The following UNC5C variants were observed in gnomAD, a reference collection of about 807,000 sequenced individuals.
UNC5C encodes the protein netrin receptor UNC5C.
UNC5C carries 47 observed loss-of-function variants against 99.8 expected under a neutral mutation model. The observed-to-expected ratio is 0.47, with a 90% confidence interval of 0.37 to 0.60. The LOEUF is 0.60. Ranked by LOEUF, UNC5C falls within the 20% of genes least tolerant of loss-of-function variation. UNC5C has a pLI of 0.00. For missense variants in UNC5C, 1,062 were observed against 1,165.9 expected, an observed-to-expected ratio of 0.91 and a Z score of 1.30; for synonymous variants, 487 against 452.2, an observed-to-expected ratio of 1.08 and a Z score of -0.98.
At chr4:95,548,295 T>C (rs1182970505) in intron 1 of UNC5C, among the ~76,000 whole-genome samples, 1 of 152,012 alleles carries the variant, frequency 6.6e-6, no homozygotes, top group African/African-American at 2.4e-5. Flanking sequence ...GCTACCCCAG[T>C]CTTGGCACAG....
intron 4 of UNC5C, among the ~76,000 whole-genome samples, chr4:95,270,600 A>G (rs1252388351): frequency 6.6e-6 from 1 of 152,232 alleles, no homozygotes; most frequent in Non-Finnish European, 1.5e-5. Context: ...TTGAACATAC[A>G]TAGGCCATAT....
chr4:95,492,357 G>A (rs905647485), intron 1 of UNC5C, among the ~76,000 whole-genome samples: 1 of 150,940 alleles, frequency 6.6e-6, no homozygotes, highest in African/African-American at 2.4e-5. Context: ...GCGTTTTGTC[G>A]TATCAATTTT....
intron 1 of UNC5C, among the ~76,000 whole-genome samples, chr4:95,494,071 A>C (rs1287045775): frequency 2.0e-5 from 3 of 151,478 alleles, no homozygotes; most frequent in Non-Finnish European, 4.4e-5. Context: ...GGCTCACTCC[A>C]GGGTTCTTAA....
chr4:95,493,289 A>T (rs1373557165), intron 1 of UNC5C, among the ~76,000 whole-genome samples: 1 of 151,406 alleles, frequency 6.6e-6, no homozygotes, highest in Non-Finnish European at 1.5e-5. Flanking sequence ...AGAAATAAGG[A>T]TATAGCTTTG....
chr4:95,382,244 G>A (rs1745093373), intron 1 of UNC5C, among the ~76,000 whole-genome samples: 1 of 152,054 alleles, frequency 6.6e-6, no homozygotes, highest in South Asian at 2.1e-4. Flanking sequence ...AGGCCAAGGA[G>A]GGAGGATTGC....
At chr4:95,170,046 T>C in intron 15 of UNC5C, 108 bp downstream of exon 15, 1 of 1,409,844 alleles carries the variant, frequency 7.1e-7, no homozygotes, top group Admixed American at 2.2e-5. Flanking sequence ...AAAAATTAAA[T>C]AGATGTGTGG....
chr4:95,369,376 C>A (rs1744677510), intron 1 of UNC5C, among the ~76,000 whole-genome samples: 1 of 151,654 alleles, frequency 6.6e-6, no homozygotes, highest in Non-Finnish European at 1.5e-5. Flanking sequence ...CATAATGAAA[C>A]CCCAACTCTA....
intron 10 of UNC5C, among the ~76,000 whole-genome samples, chr4:95,210,091 C>A (rs1350470015): frequency 6.6e-6 from 1 of 152,050 alleles, no homozygotes; most frequent in Non-Finnish European, 1.5e-5. Flanking sequence ...GAGAAGGCTC[C>A]CTGCTGGGCT....
intron 2 of UNC5C, among the ~76,000 whole-genome samples, chr4:95,314,879 A>T (rs990132637): frequency 2.6e-5 from 4 of 152,238 alleles, no homozygotes; most frequent in African/African-American, 9.6e-5. Flanking sequence ...ACTGGAAAAT[A>T]CATTTTGAAA....
intron 1 of UNC5C, among the ~76,000 whole-genome samples, chr4:95,461,606 C>T (rs896183265): frequency 2.6e-5 from 4 of 152,260 alleles, no homozygotes; most frequent in Middle Eastern, 3.4e-3. Flanking sequence ...TATTTTCTGG[C>T]CATTTGAATT....
At chr4:95,315,683 G>T (rs528895118) in intron 2 of UNC5C, among the ~76,000 whole-genome samples, 2 of 152,230 alleles carry the variant, frequency 1.3e-5, no homozygotes, top group East Asian at 3.9e-4. Flanking sequence ...GAGCCATGAG[G>T]TATGGATCAT....
chr4:95,406,421 A>T (rs1745833830), intron 1 of UNC5C, among the ~76,000 whole-genome samples: 1 of 152,188 alleles, frequency 6.6e-6, no homozygotes, highest in African/African-American at 2.4e-5. Flanking sequence ...GGATTTTCAA[A>T]GACCTTGACA....
chr4:95,440,346 A>G (rs528611728), intron 1 of UNC5C, among the ~76,000 whole-genome samples: 5 of 152,176 alleles, frequency 3.3e-5, no homozygotes, highest in African/African-American at 4.8e-5. Context: ...GAATTTAGTC[A>G]CATCTTAAAA....
chr4:95,484,566 G>T (rs1185969712), intron 1 of UNC5C, among the ~76,000 whole-genome samples: 1 of 151,808 alleles, frequency 6.6e-6, no homozygotes, highest in East Asian at 1.9e-4. Context: ...CTTCCCTGCT[G>T]CTTCAACTGG....
rs181130388 is a variant in UNC5C, at chr4:95,338,979, C to T, written c.125-3348G>A. Among the ~76,000 whole-genome samples the T allele has an allele frequency of 2.1e-3, 315 of 152,120 alleles. 1 individual carries two copies. Among genetic ancestry groups the T allele is most frequent in the Admixed American group, 3.7e-3 (56 of 15,244 alleles). On this transcript the variant is annotated intron_variant, in intron 1 of 15. Transcript: ENST00000453304. ...ACCAAACACTGGTCCTGTGTGACAG[C>T]AGAGGTCACATACCCGTGAAACCAG... is the stretch of plus-strand genomic sequence containing the variant.
intron 7 of UNC5C, among the ~76,000 whole-genome samples, chr4:95,223,130 G>A (rs1265141144): frequency 2.0e-5 from 3 of 152,046 alleles, no homozygotes; most frequent in Non-Finnish European, 4.4e-5. Context: ...AATGTGAAGT[G>A]GAATAAGATA....
chr4:95,462,581 T>G (rs940730557), intron 1 of UNC5C, among the ~76,000 whole-genome samples: 1 of 152,146 alleles, frequency 6.6e-6, no homozygotes, highest in African/African-American at 2.4e-5. Flanking sequence ...TAATTCGGTT[T>G]TAAGGGAAAG....
chr4:95,242,343 C>T, intron 7 of UNC5C, 86 bp downstream of exon 7: 1 of 1,529,832 alleles, frequency 6.5e-7, no homozygotes, highest in Non-Finnish European at 8.8e-7. Flanking sequence ...TGAAAGAATT[C>T]TTTATTTCTA....
chr4:95,193,176 G>C (rs1002935444), intron 12 of UNC5C, among the ~76,000 whole-genome samples: 1 of 152,188 alleles, frequency 6.6e-6, no homozygotes, highest in African/African-American at 2.4e-5. Context: ...TGCATTGGCT[G>C]GATTTACTGC....
Sources: allele counts gnomAD v4.1 joint callset (sites outside exome capture counted in the v4.1 genomes callset), GRCh38; gene constraint gnomAD v4.1.1; transcripts MANE v1.5; gene names NCBI Gene and HGNC (gene_info 2026-07-23, HGNC 2026-07-21).